Variants in SNX10 observed in about 807,000 individuals in gnomAD.
SNX10 encodes sorting nexin-10.
In SNX10, 25 loss-of-function variants were observed where a neutral mutation model predicts 28.5. That is an observed-to-expected ratio of 0.88 (90% confidence interval 0.64 to 1.22). SNX10 has a LOEUF of 1.22. Ranked by LOEUF, SNX10 falls within the 50% of genes most tolerant of loss-of-function variation. The pLI is 0.00. For missense variants in SNX10, 223 were observed against 242.6 expected (o/e 0.92, Z 0.54); for synonymous variants, 62 against 81.4 (o/e 0.76, Z 1.28).
At chr7:26,354,663 G>A (rs910707645) in intron 2 of SNX10, among the ~76,000 whole-genome samples, 1 of 151,630 alleles carries the variant, frequency 6.6e-6, no homozygotes, top group Non-Finnish European at 1.5e-5. Context: ...TTACAGGAGA[G>A]AGCCACCTCA....
rs190574019 is a variant in SNX10, at chr7:26,346,427, G to A, written c.-16G>A. 8 of 1,604,820 alleles carry A rather than the reference G, an allele frequency of 5.0e-6. No homozygotes were observed. Among genetic ancestry groups the A allele is most frequent in the South Asian group, 1.1e-5 (1 of 90,878 alleles). ...GGATATCTTATTTTTCAGATTGATC[G>A]TGTCCTGTGCTGAAGATGTTTCCGG... On this transcript the variant is annotated 5_prime_UTR_variant, in exon 2 of 7. In the 5' UTR this introduces an upstream ATG that the reference lacks. Coordinates refer to ENST00000338523, the MANE Select transcript of SNX10 (RefSeq NM_013322.3).
rs144356384 is a variant in SNX10 at position 26,331,576 on chromosome 7, A to G, written c.-23-14844A>G. On this transcript the variant is annotated intron_variant, in intron 1 of 6. Coordinates refer to ENST00000338523, the MANE Select transcript of SNX10 (RefSeq NM_013322.3). ...ACTCCAGCCTGGGTGACAAAGCTAG[A>G]CCCTGTCTCAAAAAATAAATAAATA... 5.8e-3 allele frequency among the ~76,000 whole-genome samples: 889 copies of G among 152,302 alleles called. 10 individuals carry two copies. Among genetic ancestry groups the G allele is most frequent in the African/African-American group, 0.02 (833 of 41,560 alleles).
At position 26,335,558 on chromosome 7, in the gene SNX10, C is replaced by G. The variant is rs184322153; in HGVS notation, c.-23-10862C>G. ...TCATGACAGCCAGCCGCCTGTAGAT[C>G]TGCCCTAGGAGCAGGACCTTGGTAG... On this transcript the variant is annotated intron_variant, in intron 1 of 6. Transcript: ENST00000338523. Among the ~76,000 whole-genome samples, 1,064 of 145,334 alleles carry G rather than the reference C, an allele frequency of 7.3e-3. 9 individuals are homozygous for G. Among genetic ancestry groups the G allele is most frequent in the Non-Finnish European group, 0.011 (750 of 65,764 alleles).
intron 1 of SNX10, among the ~76,000 whole-genome samples, chr7:26,316,430 G>C (rs1368941865): frequency 6.6e-6 from 1 of 152,092 alleles, no homozygotes; most frequent in Non-Finnish European, 1.5e-5. Context: ...TAACCAGAGG[G>C]AAAGAAAGCA....
intron 1 of SNX10, among the ~76,000 whole-genome samples, chr7:26,310,261 T>G (rs1213540062): frequency 6.6e-6 from 1 of 152,068 alleles, no homozygotes; most frequent in Non-Finnish European, 1.5e-5. Context: ...GATGCAGAAA[T>G]GGAGAAAACC....
chr7:26,334,263 C>T (rs1249107766), intron 1 of SNX10, among the ~76,000 whole-genome samples: 1 of 152,114 alleles, frequency 6.6e-6, no homozygotes, highest in Admixed American at 6.6e-5. Context: ...ATGATCAGAT[C>T]AGGGTAACTG....
At chr7:26,317,659 C>CTT (rs11310428) in intron 1 of SNX10, among the ~76,000 whole-genome samples, 80 of 106,208 alleles carry the variant, frequency 7.5e-4, no homozygotes, top group South Asian at 1.1e-3. Flanking sequence ...CTTCTTTGAT[C>CTT]TTTTTTTTTT....
chr7:26,340,599 G>A (rs1193436994), intron 1 of SNX10, among the ~76,000 whole-genome samples: 6 of 152,194 alleles, frequency 3.9e-5, no homozygotes, highest in Non-Finnish European at 7.3e-5. Context: ...AGGGCAGTGG[G>A]GTTGTGAAGA....
chr7:26,338,110 C>CTTT (rs55920968), intron 1 of SNX10, among the ~76,000 whole-genome samples: 16 of 129,250 alleles, frequency 1.2e-4, no homozygotes, highest in East Asian at 4.3e-4. Flanking sequence ...TTCCTTTGTC[C>CTTT]TTTTTTTTTT....
At chr7:26,368,967 A>G (rs956765553) in intron 5 of SNX10, among the ~76,000 whole-genome samples, 2 of 152,180 alleles carry the variant, frequency 1.3e-5, no homozygotes, top group Non-Finnish European at 2.9e-5. Flanking sequence ...TCTCAGCTAA[A>G]CCAGCATATA....
intron 1 of SNX10, among the ~76,000 whole-genome samples, chr7:26,314,774 C>T (rs1373850984): frequency 3.9e-5 from 6 of 151,970 alleles, no homozygotes; most frequent in East Asian, 1.9e-4. Flanking sequence ...CTGAGGCGGG[C>T]GGATCACTTG....
intron 3 of SNX10, among the ~76,000 whole-genome samples, chr7:26,363,768 T>A (rs973612477): frequency 6.6e-6 from 1 of 152,196 alleles, no homozygotes; most frequent in Admixed American, 6.5e-5. Context: ...CAACACTTAG[T>A]AACTAACAGT....
Position 26,361,045 on chromosome 7 carries a change from A to C in SNX10, c.95A>C (p.Tyr32Ser), listed in dbSNP as rs771038257. Residue 32 changes from tyrosine (Y) to serine (S), a missense_variant, in exon 3 of 7, where the codon TAT becomes TCT. Coordinates refer to ENST00000338523, the MANE Select transcript of SNX10 (RefSeq NM_013322.3). ...GACTTCTGGCATTCTTACATTGACT[A>C]TGAGATATGTATTCATGTAAGTATG... ...KEDFWHSYID[Y>S]EICIHTNSMC... The C allele has an allele frequency of 3.7e-6, 6 of 1,603,010 alleles. No individual in the cohort carries two copies. In the Admixed American group the frequency reaches 5.0e-5, roughly 13 times the overall value.
chr7:26,364,735 CT>C lies in SNX10; in HGVS notation c.212+104del. On this transcript the variant is annotated intron_variant, in intron 4 of 6. Transcript: ENST00000338523. The surrounding 1 kb of genome is among the most constrained non-coding windows in gnomAD (Gnocchi z 4.9). ...ATAAGATATGAAGGATTTTTATAGG[CT>C]TTTGCCTTGATTACAATATGTAGCT... 1 of 823,700 alleles carries C rather than the reference CT, an allele frequency of 1.2e-6. No homozygotes were observed. The highest frequency in any genetic ancestry group is 1.7e-5 in the African/African-American group (1 of 58,080). 51.0% of individuals were successfully genotyped at this position (823,700 alleles called of 1,614,324 possible). A position where few individuals can be genotyped will look rare whatever the true frequency, so the allele number is the denominator to read the frequency against.
At chr7:26,336,104 G>T (rs1226585717) in intron 1 of SNX10, among the ~76,000 whole-genome samples, 3 of 152,194 alleles carry the variant, frequency 2.0e-5, no homozygotes, top group Admixed American at 6.5e-5. Flanking sequence ...GCTGAACATT[G>T]TGGGAGGAAG....
In SNX10 at chr7:26,371,831, A is replaced by C; in HGVS notation, c.322A>C (p.Asn108His). 6.2e-7 allele frequency: 1 copy of C among 1,611,950 alleles called. No homozygotes were observed. Among genetic ancestry groups the C allele is most frequent in the Non-Finnish European group, 8.5e-7 (1 of 1,178,310 alleles). ...TTTTTTTTAATATAGAGTCCTACAG[A>C]ATGCACTTTTGCTTTCAGATAGCAG... ...LEDFLRKVLQ[N>H]ALLLSDSSLH... The change falls in exon 6 of 7, where the codon AAT becomes CAT. Residue 108 changes from asparagine to histidine, a missense_variant. Physicochemically the swap from Asn to His is moderately conservative, Grantham distance 68. Coordinates refer to ENST00000338523, the MANE Select transcript of SNX10 (RefSeq NM_013322.3).
intron 1 of SNX10, among the ~76,000 whole-genome samples, chr7:26,335,105 G>C (rs1292196935): frequency 1.3e-5 from 2 of 152,220 alleles, no homozygotes; most frequent in African/African-American, 2.4e-5. Flanking sequence ...GAACCTCAGA[G>C]ATGCTGGACA....
chr7:26,292,737 A>G (rs1477730369), intron 1 of SNX10, among the ~76,000 whole-genome samples: 1 of 152,224 alleles, frequency 6.6e-6, no homozygotes, highest in Non-Finnish European at 1.5e-5. Context: ...TTCTATCTCT[A>G]CAAGACACGT....
intron 3 of SNX10, among the ~76,000 whole-genome samples, chr7:26,362,331 G>A (rs1016223670): frequency 6.6e-6 from 1 of 152,150 alleles, no homozygotes; most frequent in Non-Finnish European, 1.5e-5. Context: ...TAAAAAAATT[G>A]TGCGTCCTTA....
Sources: gnomAD v4.1 joint callset for allele counts (sites outside exome capture counted in the v4.1 genomes callset) on GRCh38, gnomAD v4.1.1 for gene constraint, Gnocchi (gnomAD v3.1) non-coding constraint, MANE v1.5 for transcripts, NCBI Gene and HGNC (gene_info 2026-07-23, HGNC 2026-07-21) for gene names.